C1orf167: variants seen among roughly 807,000 people sequenced by gnomAD.
C1orf167 encodes uncharacterized protein C1orf167.
In C1orf167, 153 loss-of-function variants were observed where a neutral mutation model predicts 176.5. The ratio of observed to expected loss-of-function variants is 0.87; its 90% CI spans 0.76 to 0.99. C1orf167 has a LOEUF of 0.99. C1orf167 is among the 50% of genes least tolerant of loss of function. C1orf167 has a pLI of 0.00. For synonymous variants in C1orf167, 594 were observed against 752.7 expected, an observed-to-expected ratio of 0.79 and a Z score of 3.45; for missense variants, 1,490 against 1,817.7, an observed-to-expected ratio of 0.82 and a Z score of 3.28.
intron 10 of C1orf167, chr1:11,777,656 A>T (rs1643385116): frequency 6.6e-6 from 1 of 152,038 alleles, no homozygotes; most frequent in Non-Finnish European, 1.5e-5. Context: ...AAAAAAAAAA[A>T]AAAGGAATTC....
chr1:11,785,199 C>T lies in C1orf167; in HGVS notation c.3477C>T (p.Ala1159=), dbSNP rs1395106151. ...QSAVRGGVQR[A]ILTQLRPAEL... ...CGGTGCGCGGCGGTGTCCAGCGAGC[C>T]ATCCTCACCCAGCTCCGGCCGGCTG... The change falls in exon 16 of 21, where the codon GCC becomes GCT. Residue 1159 remains alanine, a synonymous_variant. Transcript: ENST00000688073. 4 of 1,291,636 alleles carry T rather than the reference C, an allele frequency of 3.1e-6. No homozygotes were observed. Among genetic ancestry groups the T allele is most frequent in the Admixed American group, 4.6e-5 (2 of 43,546 alleles). 80.0% of individuals were successfully genotyped at this position (1,291,636 alleles called of 1,614,324 possible).
chr1:11,787,177 T>G, intron 16 of C1orf167: 1 of 212,496 alleles, frequency 4.7e-6, no homozygotes, highest in Non-Finnish European at 9.9e-6. Context: ...GGGAGAGAAA[T>G]AGCCCCCTCC....
intron 13 of C1orf167, 117 bp downstream of exon 13, chr1:11,780,127 C>A: frequency 2.6e-6 from 2 of 763,352 alleles, no homozygotes; most frequent in South Asian, 2.0e-5. Flanking sequence ...GAACTTGAGG[C>A]AGAGGCTAAG....
Position 11,766,029 on chromosome 1 carries a change from C to T in C1orf167, c.243C>T (p.Arg81=). ...CCAACCTGGCCAGCCCTGGTCCCCGCCTGGGCCTAGCTCTGAAGGACACGA... is the reference window on the plus strand; with the variant it reads ...CCAACCTGGCCAGCCCTGGTCCCCGTCTGGGCCTAGCTCTGAAGGACACGA... ...VQTNLASPGP[R]LGLALKDTTG... is the part of the protein sequence containing the mutation. The change falls in exon 3 of 21, where the codon CGC becomes CGT. Residue 81 remains arginine (R), a synonymous_variant. Coordinates refer to ENST00000688073, the MANE Select transcript of C1orf167 (RefSeq NM_001010881.2). The surrounding 1 kb of genome is among the most constrained non-coding windows in gnomAD (Gnocchi z 4.5). The T allele has an allele frequency of 7.8e-7, 1 of 1,289,816 alleles. No individual in the cohort carries two copies. Among genetic ancestry groups the T allele is most frequent in the African/African-American group, 1.5e-5 (1 of 66,006 alleles). The allele number at this position is 1,289,816 out of a possible 1,614,324, so 79.9% of individuals were successfully genotyped here.
In C1orf167 at chr1:11,788,458, G is replaced by A. The variant is rs886045181; in HGVS notation, c.4078+80G>A. On this transcript the variant is annotated intron_variant, in intron 19 of 20. Coordinates refer to ENST00000688073, the MANE Select transcript of C1orf167 (RefSeq NM_001010881.2). Reference sequence around the variant, plus strand: ...AACCCAAACCCCTCTCAAAAGTATGGCCCTTGGACCTACTGACTCCAAAAC... The same window carrying A: ...AACCCAAACCCCTCTCAAAAGTATGACCCTTGGACCTACTGACTCCAAAAC... The A allele has an allele frequency of 5.8e-6, 7 of 1,206,804 alleles. No homozygotes were observed. In the East Asian group the frequency reaches 1.8e-4, roughly 30 times the overall value. The allele number at this position is 1,206,804 out of a possible 1,614,324, so 74.8% of individuals were successfully genotyped here. A position where few individuals can be genotyped will look rare whatever the true frequency, so the allele number is the denominator to read the frequency against.
chr1:11,785,159 C>A lies in C1orf167; in HGVS notation c.3437C>A (p.Ala1146Asp). ...TTCCTCTCCCGCAGGGTCCTAGAGG[C>A]CTCGGTGCAGTCGGCGGTGCGCGGC... ...SWKPRAWVLE[A>D]SVQSAVRGGV... Residue 1146 changes from alanine (A) to aspartate (D), a missense_variant, in exon 16 of 21, where the codon GCC (alanine) becomes GAC (aspartate). Physicochemically the swap from Ala to Asp is moderately radical, Grantham distance 126 (BLOSUM62 -2). Transcript: ENST00000688073. The A allele has an allele frequency of 7.7e-7, 1 of 1,291,184 alleles. No homozygotes were observed. The highest frequency in any genetic ancestry group is 1.0e-6 in the Non-Finnish European group (1 of 988,606). The allele number at this position is 1,291,184 out of a possible 1,614,324, so 80.0% of individuals were successfully genotyped here.
chr1:11,763,258 G>A (rs1642613104), intron 1 of C1orf167, among the ~76,000 whole-genome samples: 1 of 152,182 alleles, frequency 6.6e-6, no homozygotes, highest in Admixed American at 6.5e-5. Context: ...TGGCCATCAT[G>A]GTGAAACCCT....
At chr1:11,782,905 C>G (rs1643659338) in intron 14 of C1orf167, among the ~76,000 whole-genome samples, 1 of 122,120 alleles carries the variant, frequency 8.2e-6, no homozygotes, top group Admixed American at 9.9e-5. Context: ...GGCGACAGTG[C>G]GAGACTCCAT....
rs533723006 is a variant in C1orf167, at chr1:11,772,413, T to C, written c.1988+154T>C. Reference sequence around the variant, plus strand: ...TCGAGTAGCTGGGACCATAAGCATGTGCCACCACGCACAGCTAATTTTTTT... The same window carrying C: ...TCGAGTAGCTGGGACCATAAGCATGCGCCACCACGCACAGCTAATTTTTTT... On this transcript the variant is annotated intron_variant, in intron 8 of 20. Coordinates refer to ENST00000688073, the MANE Select transcript of C1orf167 (RefSeq NM_001010881.2). Among the ~76,000 whole-genome samples the C allele has an allele frequency of 5.6e-5, 8 of 144,018 alleles. No individual in the cohort carries two copies. The South Asian group carries it at 1.6e-3, about 29-fold the overall frequency. 94.5% of individuals were successfully genotyped at this position (144,018 alleles called of 152,430 possible). A position where few individuals can be genotyped will look rare whatever the true frequency, so the allele number is the denominator to read the frequency against.
rs546043771 is a variant in C1orf167 at position 11,764,616 on chromosome 1, A to T, written c.70+146A>T. On this transcript the variant is annotated intron_variant, in intron 2 of 20. Transcript: ENST00000688073. ...CCACCCACGGTCGGCTGGACATAGG[A>T]CAGAGTCTTCCCAGCCTGGGGCCTA... 1.3e-4 allele frequency: 77 copies of T among 590,154 alleles called. No individual in the cohort carries two copies. The East Asian group carries it at 4.9e-3, about 38-fold the overall frequency. The allele number at this position is 590,154 out of a possible 1,614,324, so 36.6% of individuals were successfully genotyped here.
rs58020814 is a variant in C1orf167, at chr1:11,771,031, A to ATG, written c.1698-475_1698-474dup. Among the ~76,000 whole-genome samples the ATG allele has an allele frequency of 6.3e-4, 22 of 34,998 alleles. 1 individual carries two copies. Among genetic ancestry groups the ATG allele is most frequent in the African/African-American group, 1.4e-3 (17 of 12,058 alleles). 23.0% of individuals were successfully genotyped at this position (34,998 alleles called of 152,430 possible). ...ATCACCTCTGGCAGCGTGTGTGTGTATGTGTGTGTGTGTGTGTGTATATAT... is the reference window on the plus strand; with the variant it reads ...ATCACCTCTGGCAGCGTGTGTGTGTATGTGTGTGTGTGTGTGTGTGTATATAT... On this transcript the variant is annotated intron_variant, in intron 6 of 20. Coordinates refer to ENST00000688073, the MANE Select transcript of C1orf167 (RefSeq NM_001010881.2).
intron 2 of C1orf167, 129 bp downstream of exon 2, chr1:11,764,599 G>A (rs1178223811): frequency 1.2e-5 from 9 of 740,254 alleles, no homozygotes; most frequent in Admixed American, 5.3e-5. Context: ...AGCCACCCAC[G>A]GTCGGCTGGA....
Position 11,766,682 on chromosome 1 carries a change from T to C in C1orf167, c.896T>C (p.Leu299Pro). ...TCCTCGGATGGGAGGAGGAGACGCC[T>C]TCGAGGCCACAGGGAAACTGCGGCT... ...LASSDGRRRR[L>P]RGHRETAAFL... is the part of the protein sequence containing the mutation. The change falls in exon 3 of 21, where the codon CTT (leucine) becomes CCT (proline). Residue 299 changes from leucine (L) to proline (P), a missense_variant. Transcript: ENST00000688073. This position sits in a 1 kb window ranked among gnomAD's most constrained non-coding sequence, Gnocchi z 4.5. 7.8e-7 allele frequency: 1 copy of C among 1,289,580 alleles called. No homozygotes were observed. Among genetic ancestry groups the C allele is most frequent in the Non-Finnish European group, 1.0e-6 (1 of 988,790 alleles). 79.9% of individuals were successfully genotyped at this position (1,289,580 alleles called of 1,614,324 possible). A position where few individuals can be genotyped will look rare whatever the true frequency, so the allele number is the denominator to read the frequency against.
At position 11,765,161 on chromosome 1, in the gene C1orf167, G is replaced by A. The variant is rs181266316; in HGVS notation, c.70+691G>A. On this transcript the variant is annotated intron_variant, in intron 2 of 20. Coordinates refer to ENST00000688073, the MANE Select transcript of C1orf167 (RefSeq NM_001010881.2). ...CTTGAATTCACATCCCAGTTTCTTC[G>A]TGTTCCAGCTGTGTGACCATGAGGC... Among the ~76,000 whole-genome samples, 122 of 151,530 alleles carry A rather than the reference G, an allele frequency of 8.1e-4. 2 individuals are homozygous for A. The highest frequency in any genetic ancestry group is 2.0e-3 in the African/African-American group (81 of 41,262).
intron 19 of C1orf167, 82 bp downstream of exon 19, chr1:11,788,460 C>A: frequency 8.3e-7 from 1 of 1,210,346 alleles, no homozygotes; most frequent in Non-Finnish European, 1.1e-6. Context: ...AAAGTATGGC[C>A]CTTGGACCTA....
rs1049894880 is a variant in C1orf167 at position 11,766,909 on chromosome 1, C to T, written c.1123C>T (p.Arg375Ter). 4.9e-6 allele frequency: 6 copies of T among 1,230,124 alleles called. No individual in the cohort carries two copies. The highest frequency in any genetic ancestry group is 5.7e-5 in the East Asian group (1 of 17,464). 76.2% of individuals were successfully genotyped at this position (1,230,124 alleles called of 1,614,324 possible). A position where few individuals can be genotyped will look rare whatever the true frequency, so the allele number is the denominator to read the frequency against. ...RAQRGDPSLP[R>*]GVGSRGTDPC... is the part of the protein sequence containing the mutation. ...ACAGAGGGGTGACCCCAGTCTCCCT[C>T]GAGGGGTGGGAAGCAGGGGGACCGA... is the stretch of plus-strand genomic sequence containing the variant. Residue 375 changes from arginine (R) to a stop codon, truncating the protein, a stop_gained, in exon 3 of 21, where the codon CGA becomes TGA. Transcript: ENST00000688073. LOFTEE classifies it high-confidence loss of function. This position sits in a 1 kb window ranked among gnomAD's most constrained non-coding sequence, Gnocchi z 4.5.
At position 11,788,012 on chromosome 1, in the gene C1orf167, C is replaced by A; in HGVS notation, c.3813C>A (p.Cys1271Ter). 1 of 1,302,118 alleles carries A rather than the reference C, an allele frequency of 7.7e-7. No homozygotes were observed. 80.7% of individuals were successfully genotyped at this position (1,302,118 alleles called of 1,614,324 possible). A position where few individuals can be genotyped will look rare whatever the true frequency, so the allele number is the denominator to read the frequency against. ...ACTCCAGCCCTGAGCCCAGAGCCTG[C>A]AAAGCCCAAAGCAAGGCCCATAAAC... ...RAHSSPEPRA[C>*]KAQSKAHKRR... Residue 1271 changes from cysteine to a stop codon, truncating the protein, a stop_gained, in exon 18 of 21, where the codon TGC (cysteine) becomes TGA (stop). Coordinates refer to ENST00000688073, the MANE Select transcript of C1orf167 (RefSeq NM_001010881.2). LOFTEE classifies it high-confidence loss of function.
At chr1:11,767,661 A>G (rs891782065) in intron 4 of C1orf167, among the ~76,000 whole-genome samples, 6 of 152,044 alleles carry the variant, frequency 3.9e-5, no homozygotes, top group African/African-American at 4.8e-5. Context: ...CGTCTCTACA[A>G]AAAAAATTAC....
chr1:11,766,426 G>T lies in C1orf167; in HGVS notation c.640G>T (p.Glu214Ter), dbSNP rs767158688. ...GAGCTGGAGGTCCAGGCTGGTGGGG[G>T]AACCTCTCACCCTGGAGGACCTGGC... ...LGSWRSRLVG[E>*]PLTLEDLAVP... The change falls in exon 3 of 21, where the codon GAA (glutamate) becomes TAA (stop). Residue 214 changes from glutamate (E) to a stop codon, truncating the protein, a stop_gained. Transcript: ENST00000688073. LOFTEE classifies it high-confidence loss of function. This position sits in a 1 kb window ranked among gnomAD's most constrained non-coding sequence, Gnocchi z 4.5. 2.4e-5 allele frequency: 31 copies of T among 1,283,228 alleles called. No homozygotes were observed. The highest frequency in any genetic ancestry group is 2.2e-4 in the South Asian group (18 of 80,220). The allele number at this position is 1,283,228 out of a possible 1,614,324, so 79.5% of individuals were successfully genotyped here. A position where few individuals can be genotyped will look rare whatever the true frequency, so the allele number is the denominator to read the frequency against.
Sources: allele counts gnomAD v4.1 joint callset (sites outside exome capture counted in the v4.1 genomes callset), GRCh38; gene constraint gnomAD v4.1.1; non-coding constraint Gnocchi (gnomAD v3.1); transcripts MANE v1.5; gene names NCBI Gene and HGNC (gene_info 2026-07-23, HGNC 2026-07-21).